Variants in IRAK2 observed in about 807,000 individuals in gnomAD.
The protein encoded by IRAK2 is interleukin 1 receptor associated kinase 2.
In IRAK2, 57 loss-of-function variants were observed where a neutral mutation model predicts 72.0. The observed-to-expected ratio is 0.79, with a 90% CI of 0.64 to 0.99. IRAK2 has a LOEUF of 0.99. IRAK2 is among the 50% of genes least tolerant of loss of function. The probability of loss-of-function intolerance (pLI) is 0.00; values close to 1 mark genes in which losing one functional copy is unlikely to be tolerated. For synonymous variants in IRAK2, 293 were observed against 312.7 expected, an observed-to-expected ratio of 0.94 and a Z score of 0.67; for missense variants, 790 against 794.4, an observed-to-expected ratio of 0.99 and a Z score of 0.07.
At chr3:10,208,303 C>T (rs1001472275) in intron 3 of IRAK2, among the ~76,000 whole-genome samples, 6 of 151,838 alleles carry the variant, frequency 4.0e-5, no homozygotes, top group Non-Finnish European at 5.9e-5. Context: ...AGTTAACGCA[C>T]GGGAAGGATT....
chr3:10,211,601 A>T (rs1279475041), intron 4 of IRAK2, among the ~76,000 whole-genome samples: 1 of 152,122 alleles, frequency 6.6e-6, no homozygotes, highest in Non-Finnish European at 1.5e-5. Context: ...CCTTGGTGTC[A>T]AAGTGAGACC....
intron 9 of IRAK2, among the ~76,000 whole-genome samples, chr3:10,223,615 C>T (rs1195390258): frequency 1.3e-5 from 2 of 152,226 alleles, no homozygotes; most frequent in African/African-American, 4.8e-5. Context: ...GGTAGTGAGC[C>T]TTTAATCTGG....
At chr3:10,214,689 G>A (rs1028551107) in intron 6 of IRAK2, among the ~76,000 whole-genome samples, 15 of 151,960 alleles carry the variant, frequency 9.9e-5, no homozygotes, top group Non-Finnish European at 1.8e-4. Context: ...GTTTATGCCT[G>A]TAATCCTAGA....
intron 6 of IRAK2, among the ~76,000 whole-genome samples, chr3:10,216,304 G>A (rs1438978782): frequency 6.6e-6 from 1 of 152,176 alleles, no homozygotes; most frequent in African/African-American, 2.4e-5. Flanking sequence ...GTTGAGGCTA[G>A]GATGATGTTG....
chr3:10,225,975 A>G (rs745580061), intron 9 of IRAK2, among the ~76,000 whole-genome samples: 3 of 152,168 alleles, frequency 2.0e-5, no homozygotes, highest in Non-Finnish European at 4.4e-5. Flanking sequence ...CTGGGATTAC[A>G]GGCATGATCC....
intron 9 of IRAK2, among the ~76,000 whole-genome samples, chr3:10,225,269 C>A (rs1013755727): frequency 6.6e-6 from 1 of 152,130 alleles, no homozygotes; most frequent in African/African-American, 2.4e-5. Context: ...GGTCTTCACA[C>A]CTTTAATATT....
chr3:10,199,726 C>T (rs956862238), intron 2 of IRAK2, among the ~76,000 whole-genome samples: 3 of 151,950 alleles, frequency 2.0e-5, no homozygotes, highest in Non-Finnish European at 4.4e-5. Context: ...GGCAAACGGA[C>T]GCCATTATCA....
Position 10,229,353 on chromosome 3 carries a change from G to A in IRAK2, c.1272+2920G>A, listed in dbSNP as rs557794506. Among the ~76,000 whole-genome samples, 33 of 152,320 alleles carry A rather than the reference G, an allele frequency of 2.2e-4. No homozygotes were observed. The South Asian group carries it at 5.6e-3, about 26-fold the overall frequency. ...CAGCCTCGAATGCCTGGGCTCAAGC[G>A]ATCTTCCCATCTTGGCCTCCCAAAT... On this transcript the variant is annotated intron_variant, in intron 10 of 12. Transcript: ENST00000256458.
At position 10,176,027 on chromosome 3, in the gene IRAK2, GT is replaced by G. The variant is rs1371615584; in HGVS notation, c.95-1810del. On this transcript the variant is annotated intron_variant, in intron 1 of 12. Coordinates refer to ENST00000256458, the MANE Select transcript of IRAK2 (RefSeq NM_001570.4). ...GTACCCTAATGGCCTTAGGAGGGTG[GT>G]GAGATGCTGTGTAACTTTTCCCCCT... Among the ~76,000 whole-genome samples the G allele has an allele frequency of 5.3e-5, 8 of 151,120 alleles. No individual in the cohort carries two copies. The East Asian group carries it at 1.6e-3, about 29-fold the overall frequency.
At chr3:10,171,335 T>A (rs1009398511) in intron 1 of IRAK2, among the ~76,000 whole-genome samples, 1 of 152,154 alleles carries the variant, frequency 6.6e-6, no homozygotes, top group Non-Finnish European at 1.5e-5. Context: ...GCCTTTAGTT[T>A]CCTCATCCAT....
At chr3:10,176,233 A>T (rs572934796) in intron 1 of IRAK2, among the ~76,000 whole-genome samples, 2 of 152,138 alleles carry the variant, frequency 1.3e-5, no homozygotes, top group African/African-American at 2.4e-5. Flanking sequence ...TCTGATCCTT[A>T]TAACAGTTCT....
In IRAK2 at chr3:10,209,666, G is replaced by C; in HGVS notation, c.502G>C (p.Asp168His). ...EEDAPHSLRSDLPTSSDSKDF... is the reference protein window; with the variant it reads ...EEDAPHSLRSHLPTSSDSKDF... ...AGATGCCCCTCATTCCTTGAGAAGC[G>C]ACCTCCCCACTTCGTCTGATTCAAA... The change falls in exon 4 of 13, where the codon GAC (aspartate) becomes CAC (histidine). Residue 168 changes from aspartate (D) to histidine (H), a missense_variant. Coordinates refer to ENST00000256458, the MANE Select transcript of IRAK2 (RefSeq NM_001570.4). The C allele has an allele frequency of 6.4e-7, 1 of 1,550,526 alleles. No individual in the cohort carries two copies. Among genetic ancestry groups the C allele is most frequent in the South Asian group, 1.2e-5 (1 of 82,360 alleles).
At chr3:10,181,486 G>A (rs548422651) in intron 2 of IRAK2, among the ~76,000 whole-genome samples, 2 of 152,200 alleles carry the variant, frequency 1.3e-5, no homozygotes, top group East Asian at 3.9e-4. Flanking sequence ...TGTAGTCCCA[G>A]CTACTCATGA....
At position 10,212,827 on chromosome 3, in the gene IRAK2, C is replaced by T. The variant is rs559459597; in HGVS notation, c.529-380C>T. Among the ~76,000 whole-genome samples, 13 of 147,428 alleles carry T rather than the reference C, an allele frequency of 8.8e-5. 1 individual carries two copies. In the East Asian group the frequency reaches 1.4e-3, roughly 16 times the overall value. On this transcript the variant is annotated intron_variant, in intron 4 of 12. Transcript: ENST00000256458. ...TCACCCAGGCTGGAGTGCAGTGGCG[C>T]GATCTCGGCTCACTGCAAGCTCCGC...
intron 1 of IRAK2, among the ~76,000 whole-genome samples, chr3:10,168,545 A>C (rs1215457123): frequency 6.6e-6 from 1 of 152,096 alleles, no homozygotes; most frequent in Admixed American, 6.6e-5. Flanking sequence ...CACCTGAGCC[A>C]GTGTGAAGTG....
chr3:10,193,301 TTCACGGATA>T (rs1244945841), intron 2 of IRAK2, among the ~76,000 whole-genome samples: 1 of 151,996 alleles, frequency 6.6e-6, no homozygotes. Context: ...CAAGGCAGCT[TTCACGGATA>T]TCCAGATTCC....
chr3:10,181,970 C>CT (rs376518112), intron 2 of IRAK2, among the ~76,000 whole-genome samples: 2,428 of 131,772 alleles, frequency 0.018, 41 homozygotes, highest in South Asian at 0.049. Context: ...TTTTTCTTTT[C>CT]TTTTTTTTTT....
intron 2 of IRAK2, among the ~76,000 whole-genome samples, chr3:10,197,072 A>G (rs373953958): frequency 5.3e-4 from 80 of 152,126 alleles, no homozygotes; most frequent in African/African-American, 1.8e-3. Context: ...AATCACAAAG[A>G]AAAAAACCCC....
chr3:10,204,088 C>T lies in IRAK2; in HGVS notation c.424+3573C>T, dbSNP rs115762734. On this transcript the variant is annotated intron_variant, in intron 3 of 12. Coordinates refer to ENST00000256458, the MANE Select transcript of IRAK2 (RefSeq NM_001570.4). ...TGGGCTATCAGTCAGAATCTGTTTA[C>T]TTACTCTACACATAGTTTCACCAGC... Among the ~76,000 whole-genome samples, 367 of 152,366 alleles carry T rather than the reference C, an allele frequency of 2.4e-3. 1 individual carries two copies. The highest frequency in any genetic ancestry group is 8.2e-3 in the African/African-American group (340 of 41,590).
Sources: allele counts gnomAD v4.1 joint callset (sites outside exome capture counted in the v4.1 genomes callset), GRCh38; gene constraint gnomAD v4.1.1; transcripts MANE v1.5; gene names NCBI Gene and HGNC (gene_info 2026-07-23, HGNC 2026-07-21).